Variants in HTATIP2 observed in about 807,000 individuals in gnomAD.
The protein encoded by HTATIP2 is protein HTATIP2.
A neutral mutation model predicts 24.7 loss-of-function variants in HTATIP2; 26 were observed. That is an observed-to-expected ratio of 1.05 (90% confidence interval 0.77 to 1.46). The LOEUF (loss-of-function observed/expected upper bound fraction) is 1.46, where lower values mean the gene tolerates loss of function less well. Ranked by LOEUF, HTATIP2 falls within the 40% of genes most tolerant of loss-of-function variation. HTATIP2 has a pLI of 0.00. For synonymous variants in HTATIP2, 99 were observed against 113.2 expected (o/e 0.87, Z 0.79); for missense variants, 284 against 289.6 (o/e 0.98, Z 0.14).
Position 20,376,666 on chromosome 11 carries a change from ATCCTC to A in HTATIP2, c.392_396del (p.Ser131Ter). On this transcript the variant is annotated frameshift_variant, in exon 3 of 5. Coordinates refer to ENST00000451739, the MANE Select transcript of HTATIP2 (RefSeq NM_001098522.2). LOFTEE classifies it high-confidence loss of function. ...GAGGGTGCAAACATTTCAACTTGCT[ATCCTC>A]TAAAGGAGCTGATAAATCAAGCAAT... 1 of 1,613,866 alleles carries A rather than the reference ATCCTC, an allele frequency of 6.2e-7. No homozygotes were observed. The highest frequency in any genetic ancestry group is 8.5e-7 in the Non-Finnish European group (1 of 1,179,774).
chr11:20,374,386 G>A (rs1848411162), intron 2 of HTATIP2, among the ~76,000 whole-genome samples: 2 of 152,204 alleles, frequency 1.3e-5, no homozygotes, highest in South Asian at 4.1e-4. Flanking sequence ...CATCTTAGAA[G>A]TCTGACACGG....
chr11:20,367,631 CT>C, intron 2 of HTATIP2: 1 of 1,262,422 alleles, frequency 7.9e-7, no homozygotes, highest in Non-Finnish European at 1.0e-6. Context: ...TGTTTTTCCC[CT>C]TAATAAATGT....
At chr11:20,375,955 G>A (rs1848437755) in intron 2 of HTATIP2, 1 of 152,306 alleles carries the variant, frequency 6.6e-6, no homozygotes, top group Non-Finnish European at 1.5e-5. Flanking sequence ...TGCTGGACAT[G>A]TGCTGATGCT....
intron 1 of HTATIP2, 32 bp downstream of exon 1, chr11:20,364,464 C>T: frequency 6.5e-7 from 1 of 1,545,906 alleles, no homozygotes; most frequent in South Asian, 1.2e-5. Context: ...CAAATGGACC[C>T]CCAGGATTCT....
At position 20,364,383 on chromosome 11, in the gene HTATIP2, T is replaced by C. The variant is rs1302993217; in HGVS notation, c.146T>C (p.Leu49Pro). The change falls in exon 1 of 5, where the codon CTC becomes CCC. Residue 49 changes from leucine (L) to proline (P), a missense_variant. By Grantham distance (98) the Leu-to-Pro change is moderately conservative. Coordinates refer to ENST00000451739, the MANE Select transcript of HTATIP2 (RefSeq NM_001098522.2). ...LEQGLFSKVT[L>P]IGRRKLTFDE... ...CAGGGCCTGTTTTCCAAAGTCACGC[T>C]CATTGGCCGGAGGAAGCTCACCTTC... The C allele has an allele frequency of 6.2e-7, 1 of 1,611,890 alleles. No individual in the cohort carries two copies. Among genetic ancestry groups the C allele is most frequent in the East Asian group, 2.2e-5 (1 of 44,808 alleles).
chr11:20,379,102 G>A (rs185756222), intron 3 of HTATIP2, among the ~76,000 whole-genome samples: 25 of 152,224 alleles, frequency 1.6e-4, no homozygotes, highest in African/African-American at 5.5e-4. Context: ...GCTGTTAAGC[G>A]GCAAAGCTAG....
At position 20,383,178 on chromosome 11, in the gene HTATIP2, G is replaced by A. The variant is rs1592323666; in HGVS notation, c.702G>A (p.Gly234=). 6.2e-7 allele frequency: 1 copy of A among 1,613,776 alleles called. No homozygotes were observed. The highest frequency in any genetic ancestry group is 8.5e-7 in the Non-Finnish European group (1 of 1,179,862). ...LLENKAIHDL[G]KAHGSLKP ...AGAACAAGGCCATCCATGACCTGGG[G>A]AAAGCGCATGGCTCTCTCAAGCCAT... Residue 234 remains glycine, a synonymous_variant, in exon 5 of 5, where the codon GGG becomes GGA. Transcript: ENST00000451739.
chr11:20,369,750 C>T (rs1367733466), intron 2 of HTATIP2, among the ~76,000 whole-genome samples: 2 of 152,200 alleles, frequency 1.3e-5, no homozygotes, highest in Non-Finnish European at 2.9e-5. Flanking sequence ...ATGATCTCAA[C>T]TAATTACATC....
At chr11:20,367,048 T>A (rs2064716683) in intron 1 of HTATIP2, 126 bp from the exon 2 acceptor site, 9 of 1,134,218 alleles carry the variant, frequency 7.9e-6, no homozygotes, top group African/African-American at 1.5e-5. Flanking sequence ...AAGGAATTTG[T>A]AAAATTTGAT....
chr11:20,377,837 T>G (rs56915846), intron 3 of HTATIP2, among the ~76,000 whole-genome samples: 13,311 of 152,276 alleles, frequency 0.087, 768 homozygotes, highest in Admixed American at 0.17. Flanking sequence ...AGTCTTTCTT[T>G]TGCATTGTAG....
In HTATIP2 at chr11:20,383,703, TG is replaced by T. The variant is rs1848555582; in HGVS notation, c.*499del. 1 of 158,466 alleles carries T rather than the reference TG, an allele frequency of 6.3e-6. No homozygotes were observed. The highest frequency in any genetic ancestry group is 2.4e-5 in the African/African-American group (1 of 41,464). The allele number at this position is 158,466 out of a possible 1,614,324, so 9.8% of individuals were successfully genotyped here. On this transcript the variant is annotated 3_prime_UTR_variant, in exon 5 of 5. Coordinates refer to ENST00000451739, the MANE Select transcript of HTATIP2 (RefSeq NM_001098522.2). Reference sequence around the variant, plus strand: ...ACATTGTGCCTTTACTACTTCTTTATGTAATAGAAGTTATATACCTAAGCTT... The same window carrying T: ...ACATTGTGCCTTTACTACTTCTTTATTAATAGAAGTTATATACCTAAGCTT...
intron 2 of HTATIP2, among the ~76,000 whole-genome samples, chr11:20,375,141 G>A (rs529872113): frequency 6.6e-6 from 1 of 152,186 alleles, no homozygotes; most frequent in East Asian, 1.9e-4. Context: ...CTGGACCTTG[G>A]TTCCTGTCTA....
At chr11:20,366,055 G>T (rs2064700014) in intron 1 of HTATIP2, among the ~76,000 whole-genome samples, 1 of 148,084 alleles carries the variant, frequency 6.8e-6, no homozygotes, top group Non-Finnish European at 1.5e-5. Flanking sequence ...GTTTGACTAG[G>T]TACTTTGTGA....
rs2064667684 is a variant in HTATIP2 at position 20,364,195 on chromosome 11, C to T, written c.-43C>T. The T allele has an allele frequency of 6.4e-7, 1 of 1,552,214 alleles. No individual in the cohort carries two copies. Among genetic ancestry groups the T allele is most frequent in the Non-Finnish European group, 8.7e-7 (1 of 1,145,200 alleles). On this transcript the variant is annotated 5_prime_UTR_variant, in exon 1 of 5. Coordinates refer to ENST00000451739, the MANE Select transcript of HTATIP2 (RefSeq NM_001098522.2). ...CCTCGGGATAAGGACTGGCAGTCCCCTGACACCCTAAGACCGGCATCTGTC... is the reference window on the plus strand; with the variant it reads ...CCTCGGGATAAGGACTGGCAGTCCCTTGACACCCTAAGACCGGCATCTGTC...
intron 2 of HTATIP2, among the ~76,000 whole-genome samples, chr11:20,371,902 A>T (rs1427716952): frequency 2.0e-5 from 3 of 152,188 alleles, no homozygotes; most frequent in Admixed American, 6.5e-5. Context: ...AACATCAAAT[A>T]TGGAGATGCC....
chr11:20,377,205 G>A (rs959674422), intron 3 of HTATIP2, among the ~76,000 whole-genome samples: 4 of 146,716 alleles, frequency 2.7e-5, no homozygotes, highest in South Asian at 2.2e-4. Context: ...CCTCTGCCCC[G>A]CCAAGTAACT....
At position 20,366,040 on chromosome 11, in the gene HTATIP2, C is replaced by T. The variant is rs567917841; in HGVS notation, c.196-1134C>T. ...TTTTGAGTGTCGAGTTTTGGTGGCA[C>T]ATCTGTTTGACTAGGTACTTTGTGA... On this transcript the variant is annotated intron_variant, in intron 1 of 4. Coordinates refer to ENST00000451739, the MANE Select transcript of HTATIP2 (RefSeq NM_001098522.2). 3.8e-4 allele frequency among the ~76,000 whole-genome samples: 56 copies of T among 148,354 alleles called. 1 individual carries two copies. The highest frequency in any genetic ancestry group is 6.4e-4 in the Non-Finnish European group (43 of 67,184).
chr11:20,380,351 T>G (rs1222029840), intron 3 of HTATIP2, among the ~76,000 whole-genome samples: 1 of 152,164 alleles, frequency 6.6e-6, no homozygotes, highest in Admixed American at 6.5e-5. Flanking sequence ...TGCACACTGC[T>G]AATAGAGACA....
intron 1 of HTATIP2, among the ~76,000 whole-genome samples, chr11:20,365,230 G>A (rs2064685978): frequency 6.6e-6 from 1 of 152,024 alleles, no homozygotes; most frequent in South Asian, 2.1e-4. Flanking sequence ...CTCAGATGAT[G>A]CTCCCGCTTC....
Sources: allele counts gnomAD v4.1 joint callset (sites outside exome capture counted in the v4.1 genomes callset), GRCh38; gene constraint gnomAD v4.1.1; transcripts MANE v1.5; gene names NCBI Gene and HGNC (gene_info 2026-07-23, HGNC 2026-07-21).